The following NCAPD3 variants were observed in gnomAD, a reference collection of about 807,000 sequenced individuals.
NCAPD3 encodes the protein non-SMC condensin II complex subunit D3, also known as condensin-2 complex subunit D3.
A neutral mutation model predicts 182.9 loss-of-function variants in NCAPD3; 105 were observed. The observed-to-expected ratio is 0.57, with a 90% CI of 0.49 to 0.68. NCAPD3 has a LOEUF of 0.68. NCAPD3 is among the 30% of genes least tolerant of loss of function. NCAPD3 has a pLI of 0.00. For missense variants in NCAPD3, 1,944 were observed against 1,837.0 expected, an observed-to-expected ratio of 1.06 and a Z score of -1.07; for synonymous variants, 815 against 679.9, an observed-to-expected ratio of 1.20 and a Z score of -3.09.
chr11:134,220,693 G>A lies in NCAPD3; in HGVS notation c.98C>T (p.Thr33Ile), dbSNP rs369877431. 16 of 1,613,886 alleles carry A rather than the reference G, an allele frequency of 9.9e-6. No homozygotes were observed. Among genetic ancestry groups the A allele is most frequent in the Admixed American group, 1.7e-5 (1 of 59,994 alleles). ...WVDTVWELDF[T>I]ETEPLDPSIE... ...GCTGGGATCCAAAGGCTCAGTCTCT[G>A]TGAAATCCAGTTCCCACACTGTGTC... Residue 33 changes from threonine (T) to isoleucine (I), a missense_variant, in exon 2 of 35, where the codon ACA becomes ATA. Transcript: ENST00000534548.
In NCAPD3 at chr11:134,153,189, C is replaced by T. The variant is rs772875728; in HGVS notation, c.4339G>A (p.Gly1447Ser). 8.7e-6 allele frequency: 14 copies of T among 1,614,016 alleles called. No homozygotes were observed. The highest frequency in any genetic ancestry group is 1.6e-4 in the Middle Eastern group (1 of 6,084). The change falls in exon 34 of 35, where the codon GGC becomes AGC. Residue 1447 changes from glycine (G) to serine (S), a missense_variant. Coordinates refer to ENST00000534548, the MANE Select transcript of NCAPD3 (RefSeq NM_015261.3). ...TPSSAKEKIE[G>S]RSQGNDILCL... is the part of the protein sequence containing the mutation. ...AAGATGTCATTTCCTTGACTCCGGC[C>T]TTCAATTTTCTCTAAAAGGGAGTCA... is the stretch of plus-strand genomic sequence containing the variant.
chr11:134,180,790 C>T (rs1259966777), intron 20 of NCAPD3, among the ~76,000 whole-genome samples: 1 of 152,156 alleles, frequency 6.6e-6, no homozygotes, highest in Non-Finnish European at 1.5e-5. Context: ...CTTGACTATA[C>T]CAACCTTACA....
rs60929482 is a variant in NCAPD3 at position 134,185,442 on chromosome 11, A to C, written c.2130T>G (p.Thr710=). ...PTFINNVISH[T]GTEHSAPAWM... is the part of the protein sequence containing the mutation. ...AGGCAGGTGCCGAATGTTCCGTGCC[A>C]GTGTGAGATATTACATTGTTTATAA... is the stretch of plus-strand genomic sequence containing the variant. The change falls in exon 17 of 35, where the codon ACT becomes ACG. Residue 710 remains threonine (T), a synonymous_variant. Transcript: ENST00000534548. 2.6e-3 allele frequency: 4,154 copies of C among 1,614,054 alleles called. 80 individuals carry two copies. The African/African-American group carries it at 0.045, about 17-fold the overall frequency.
In NCAPD3 at chr11:134,208,845, A is replaced by G; in HGVS notation, c.882+19T>C. On this transcript the variant is annotated intron_variant, in intron 7 of 34. Transcript: ENST00000534548. ...CTTCGATTCAACTAGTAACCAAATT[A>G]GGTTCTCATCTCCTTTACCTTATCT... 1 of 1,571,222 alleles carries G rather than the reference A, an allele frequency of 6.4e-7. No homozygotes were observed.
intron 13 of NCAPD3, among the ~76,000 whole-genome samples, chr11:134,201,317 G>C (rs754510191): frequency 1.3e-5 from 2 of 152,204 alleles, no homozygotes; most frequent in African/African-American, 4.8e-5. Flanking sequence ...GAGCCACCAC[G>C]CCTGGCCCAG....
At chr11:134,157,390 T>G (rs1009747591) in intron 31 of NCAPD3, among the ~76,000 whole-genome samples, 1 of 152,240 alleles carries the variant, frequency 6.6e-6, no homozygotes, top group Non-Finnish European at 1.5e-5. Context: ...TGCTGGGAAT[T>G]AATCCCAAGG....
In NCAPD3 at chr11:134,184,854, A is replaced by T. The variant is rs775076766; in HGVS notation, c.2335+49T>A. Reference sequence around the variant, plus strand: ...ACACACACACACACACACACACCTGAAATGAACAGCAATGCATTTTCACAT... The same window carrying T: ...ACACACACACACACACACACACCTGTAATGAACAGCAATGCATTTTCACAT... On this transcript the variant is annotated intron_variant, in intron 18 of 34. Coordinates refer to ENST00000534548, the MANE Select transcript of NCAPD3 (RefSeq NM_015261.3). 18 of 1,315,102 alleles carry T rather than the reference A, an allele frequency of 1.4e-5. No individual in the cohort carries two copies. In the East Asian group the frequency reaches 4.3e-4, roughly 31 times the overall value. The allele number at this position is 1,315,102 out of a possible 1,614,324, so 81.5% of individuals were successfully genotyped here.
chr11:134,206,549 A>C, intron 8 of NCAPD3, 50 bp downstream of exon 8: 1 of 1,601,248 alleles, frequency 6.2e-7, no homozygotes, highest in Non-Finnish European at 8.5e-7. Context: ...CAGGGCCCAG[A>C]GTACTGAGGG....
intron 32 of NCAPD3, among the ~76,000 whole-genome samples, chr11:134,156,060 C>T (rs1943411300): frequency 6.6e-6 from 1 of 152,202 alleles, no homozygotes; most frequent in African/African-American, 2.4e-5. Flanking sequence ...TGCTCTGTTA[C>T]CAGGAAGAGC....
intron 8 of NCAPD3, among the ~76,000 whole-genome samples, chr11:134,206,369 G>A (rs184820512): frequency 1.5e-4 from 23 of 152,322 alleles, no homozygotes; most frequent in East Asian, 3.9e-4. Context: ...GGAGGCTGGC[G>A]CTGGCCCGTG....
chr11:134,183,076 C>G (rs777989831), intron 19 of NCAPD3: 17 of 455,912 alleles, frequency 3.7e-5, no homozygotes, highest in South Asian at 2.2e-4. Context: ...CCTAATGGCC[C>G]TGGGCCAGCA....
chr11:134,202,997 T>A, intron 12 of NCAPD3, 92 bp from the exon 13 acceptor site: 1 of 1,219,982 alleles, frequency 8.2e-7, no homozygotes, highest in East Asian at 2.4e-5. Flanking sequence ...GTTACAACAT[T>A]ATTACTGAAA....
chr11:134,167,750 G>A (rs1031031973), intron 27 of NCAPD3, among the ~76,000 whole-genome samples: 4 of 136,064 alleles, frequency 2.9e-5, no homozygotes, highest in African/African-American at 1.1e-4. Context: ...TGAGCTTAGG[G>A]AGAGCAGCAC....
At chr11:134,164,301 G>A (rs748592241) in intron 27 of NCAPD3, among the ~76,000 whole-genome samples, 1 of 152,240 alleles carries the variant, frequency 6.6e-6, no homozygotes, top group African/African-American at 2.4e-5. Flanking sequence ...GAGATGAAGA[G>A]CAGAAAGAAG....
At chr11:134,187,388 G>C (rs1190713704) in intron 16 of NCAPD3, among the ~76,000 whole-genome samples, 3 of 152,150 alleles carry the variant, frequency 2.0e-5, no homozygotes, top group Non-Finnish European at 2.9e-5. Flanking sequence ...ATTACCAAGA[G>C]CTCCCAACTG....
At chr11:134,221,209 G>A (rs1171368655) in intron 1 of NCAPD3, among the ~76,000 whole-genome samples, 2 of 152,130 alleles carry the variant, frequency 1.3e-5, no homozygotes, top group Non-Finnish European at 2.9e-5. Context: ...TAAAATAGAA[G>A]AGGCAACCCA....
At chr11:134,197,569 G>A (rs545535767) in intron 13 of NCAPD3, among the ~76,000 whole-genome samples, 1 of 152,100 alleles carries the variant, frequency 6.6e-6, no homozygotes, top group Non-Finnish European at 1.5e-5. Context: ...GAGCCACCAC[G>A]CCTGGCCACG....
At position 134,168,206 on chromosome 11, in the gene NCAPD3, G is replaced by A; in HGVS notation, c.3374-11C>T. 1.9e-6 allele frequency: 3 copies of A among 1,600,154 alleles called. No homozygotes were observed. Among genetic ancestry groups the A allele is most frequent in the African/African-American group, 1.3e-5 (1 of 74,784 alleles). ...CATCAGCAAAGCACGCTGAGAGACA[G>A]AGAGAGAGAAAAACGTGAGCTTCTG... On this transcript the variant is annotated splice_polypyrimidine_tract_variant and intron_variant, in intron 26 of 34. Transcript: ENST00000534548.
intron 27 of NCAPD3, among the ~76,000 whole-genome samples, chr11:134,165,525 TTG>T (rs1455782999): frequency 6.8e-6 from 1 of 146,732 alleles, no homozygotes; most frequent in Non-Finnish European, 1.5e-5. Context: ...GCACACTCAC[TTG>T]TGAGATGAGC....
Sources: allele counts gnomAD v4.1 joint callset (sites outside exome capture counted in the v4.1 genomes callset), GRCh38; gene constraint gnomAD v4.1.1; transcripts MANE v1.5; gene names NCBI Gene and HGNC (gene_info 2026-07-23, HGNC 2026-07-21).